Variants in C2orf49 observed in about 807,000 individuals in gnomAD.
C2orf49 encodes tRNA-splicing ligase complex subunit ASW.
A neutral mutation model predicts 20.6 loss-of-function variants in C2orf49; 11 were observed. The observed-to-expected ratio is 0.53, with a 90% CI of 0.34 to 0.88. The LOEUF (loss-of-function observed/expected upper bound fraction) is 0.88. Among genes scored for constraint, C2orf49 ranks in the 40% least tolerant of loss-of-function variants. The pLI is 0.02. For synonymous variants in C2orf49, 134 were observed against 108.5 expected (o/e 1.24, Z -1.46); for missense variants, 289 against 274.2 (o/e 1.05, Z -0.38).
chr2:105,355,457 G>A, the C2orf49 span, among the ~76,000 whole-genome samples: 1 of 152,160 alleles, frequency 6.6e-6, no homozygotes, highest in East Asian at 1.9e-4. Context: ...TTTAAAGGTA[G>A]TGATTAACAC....
the C2orf49 span, among the ~76,000 whole-genome samples, chr2:105,365,738 A>G: frequency 2.0e-5 from 3 of 151,656 alleles, no homozygotes; most frequent in African/African-American, 7.2e-5. Context: ...CCAGCTGCTC[A>G]GGAGGCTGAG....
rs1252110933 is a variant in C2orf49, at chr2:105,348,914, T to TCCAGCCATATCTTGTAGC, written c.*3546_*3563dup. 1 of 152,154 alleles carries TCCAGCCATATCTTGTAGC rather than the reference T, an allele frequency of 6.6e-6. No individual in the cohort carries two copies. Among genetic ancestry groups the TCCAGCCATATCTTGTAGC allele is most frequent in the African/African-American group, 2.4e-5 (1 of 41,432 alleles). 9.4% of individuals were successfully genotyped at this position (152,154 alleles called of 1,614,324 possible). Reference sequence around the variant, plus strand: ...TTAAGATCAGATGTGATTCGAGTAGTCCAGCCATATCTTGTAGCCCTTCTT... The same window carrying TCCAGCCATATCTTGTAGC: ...TTAAGATCAGATGTGATTCGAGTAGTCCAGCCATATCTTGTAGCCCAGCCATATCTTGTAGCCCTTCTT... On this transcript the variant is annotated 3_prime_UTR_variant, in exon 4 of 4. Transcript: ENST00000258457.
the C2orf49 span, chr2:105,363,614 C>T: frequency 9.3e-6 from 7 of 749,518 alleles, no homozygotes; most frequent in Non-Finnish European, 1.5e-5. Context: ...TTACAAACTT[C>T]ACAGTCACTC....
chr2:105,339,762 G>A lies in C2orf49; in HGVS notation c.266+13G>A, dbSNP rs769693644. ...ATGAGACTAAAAGGTACTTTTTGGT[G>A]GTTCTAGCTTTCAATTTATCTTATA... is the stretch of plus-strand genomic sequence containing the variant. On this transcript the variant is annotated intron_variant, in intron 2 of 3. Transcript: ENST00000258457. The A allele has an allele frequency of 2.6e-6, 4 of 1,561,430 alleles. No individual in the cohort carries two copies. The highest frequency in any genetic ancestry group is 3.4e-6 in the Non-Finnish European group (4 of 1,160,744).
At chr2:105,380,340 C>A in the C2orf49 span, among the ~76,000 whole-genome samples, 2 of 152,154 alleles carry the variant, frequency 1.3e-5, no homozygotes, top group African/African-American at 4.8e-5. Flanking sequence ...CTGTGAAGAC[C>A]TAGTGCCAAG....
chr2:105,345,397 T>C lies in C2orf49; in HGVS notation c.*26T>C, dbSNP rs12991992. ...AGAAAAGTTTCCAAAAATGTAAATA[T>C]ACTGTAACTGTAGTTTTTCAAATAT... On this transcript the variant is annotated 3_prime_UTR_variant, in exon 4 of 4. Coordinates refer to ENST00000258457, the MANE Select transcript of C2orf49 (RefSeq NM_024093.3). 1.4e-5 allele frequency: 22 copies of C among 1,540,986 alleles called. No homozygotes were observed. The highest frequency in any genetic ancestry group is 1.5e-5 in the Non-Finnish European group (17 of 1,117,726).
chr2:105,371,568 C>CTCTCTCTCTA, the C2orf49 span, among the ~76,000 whole-genome samples: 1 of 146,854 alleles, frequency 6.8e-6, no homozygotes, highest in Admixed American at 6.8e-5. Flanking sequence ...CTCTCTCTCT[C>CTCTCTCTCTA]TCTCTCTCCT....
chr2:105,384,994 C>T, the C2orf49 span, among the ~76,000 whole-genome samples: 8 of 152,316 alleles, frequency 5.3e-5, no homozygotes, highest in East Asian at 1.9e-4. Context: ...CAGTGAGACA[C>T]GCAGCAGGCA....
At chr2:105,378,809 G>GAAC in the C2orf49 span, 1 of 152,276 alleles carries the variant, frequency 6.6e-6, no homozygotes, top group African/African-American at 2.4e-5. Flanking sequence ...TAAGTTTTGT[G>GAAC]GTGTACAATA....
intron 2 of C2orf49, among the ~76,000 whole-genome samples, chr2:105,341,882 A>AG (rs1282280190): frequency 6.6e-6 from 1 of 152,206 alleles, no homozygotes; most frequent in Non-Finnish European, 1.5e-5. Context: ...TTTAATTAAA[A>AG]GGGTTTTTTT....
chr2:105,381,423 T>C, the C2orf49 span, among the ~76,000 whole-genome samples: 1 of 152,086 alleles, frequency 6.6e-6, no homozygotes, highest in East Asian at 1.9e-4. Flanking sequence ...CGGAGGCTTA[T>C]AGGTGGCAGG....
chr2:105,345,263 T>TTA (rs1334194116), intron 3 of C2orf49, 52 bp from the exon 4 acceptor site: 3 of 1,491,060 alleles, frequency 2.0e-6, no homozygotes, highest in Non-Finnish European at 1.8e-6. Flanking sequence ...TCATTTTAGT[T>TTA]GTTTTCTGAT....
the C2orf49 span, chr2:105,378,157 G>T: frequency 4.2e-6 from 2 of 470,994 alleles, no homozygotes; most frequent in African/African-American, 2.0e-5. Context: ...CATGCACATG[G>T]GTCCAAGGCA....
chr2:105,374,860 C>T, the C2orf49 span, among the ~76,000 whole-genome samples: 1 of 152,206 alleles, frequency 6.6e-6, no homozygotes, highest in African/African-American at 2.4e-5. Context: ...TCCATTTATA[C>T]ATGAGGCAGA....
At chr2:105,354,666 C>CA in the C2orf49 span, among the ~76,000 whole-genome samples, 18 of 147,836 alleles carry the variant, frequency 1.2e-4, no homozygotes, top group East Asian at 5.9e-4. Flanking sequence ...AACTCCATCT[C>CA]AAAAAAAAAA....
the C2orf49 span, among the ~76,000 whole-genome samples, chr2:105,371,417 G>A: frequency 6.6e-6 from 1 of 151,916 alleles, no homozygotes; most frequent in Non-Finnish European, 1.5e-5. Flanking sequence ...CCAGCCTGCC[G>A]CCCTACGGAA....
chr2:105,361,494 G>A, the C2orf49 span: 1 of 1,487,594 alleles, frequency 6.7e-7, no homozygotes, highest in African/African-American at 1.4e-5. Flanking sequence ...AACTGGGACT[G>A]AAGAAGGAAT....
rs375504795 is a variant in C2orf49, at chr2:105,337,758, TAAGTAGCCCTCGGCA to T, written c.99+74_99+88del. ...GAGGCGCTTGCACCCGAGCTTGCCT[TAAGTAGCCCTCGGCA>T]ACCACGGACACTCCCGCCGGGTTTG... On this transcript the variant is annotated intron_variant, in intron 1 of 3. Coordinates refer to ENST00000258457, the MANE Select transcript of C2orf49 (RefSeq NM_024093.3). The T allele has an allele frequency of 3.7e-4, 514 of 1,384,920 alleles. 4 individuals carry two copies. The African/African-American group carries it at 6.6e-3, about 18-fold the overall frequency. 85.8% of individuals were successfully genotyped at this position (1,384,920 alleles called of 1,614,324 possible).
the C2orf49 span, chr2:105,373,612 TA>T: frequency 1.2e-6 from 2 of 1,614,108 alleles, no homozygotes; most frequent in Non-Finnish European, 1.7e-6. Context: ...CTCGTTGGAA[TA>T]GCAGTCTGTA....
Sources: allele counts gnomAD v4.1 joint callset (sites outside exome capture counted in the v4.1 genomes callset), GRCh38; gene constraint gnomAD v4.1.1; transcripts MANE v1.5; gene names NCBI Gene and HGNC (gene_info 2026-07-23, HGNC 2026-07-21).